VPS41: variants seen among roughly 807,000 people sequenced by gnomAD.
VPS41 encodes the protein VPS41 subunit of HOPS complex, also known as vacuolar protein sorting-associated protein 41 homolog.
A neutral mutation model predicts 130.9 loss-of-function variants in VPS41; 85 were observed. The observed-to-expected ratio is 0.65, with a 90% confidence interval of 0.55 to 0.78. The LOEUF (loss-of-function observed/expected upper bound fraction) is 0.78. Ranked by LOEUF, VPS41 falls within the 30% of genes least tolerant of loss-of-function variation. VPS41 has a pLI of 0.00. For synonymous variants in VPS41, 335 were observed against 332.9 expected, an observed-to-expected ratio of 1.01 and a Z score of -0.07; for missense variants, 874 against 1,018.7, an observed-to-expected ratio of 0.86 and a Z score of 1.93.
Position 38,728,560 on chromosome 7 carries a change from A to G in VPS41, c.2386T>C (p.Ser796Pro). 6.2e-7 allele frequency: 1 copy of G among 1,614,162 alleles called. No individual in the cohort carries two copies. The highest frequency in any genetic ancestry group is 8.5e-7 in the Non-Finnish European group (1 of 1,180,026). Residue 796 changes from serine (S) to proline (P), a missense_variant, in exon 27 of 29, where the codon TCC becomes CCC. Ser to Pro is a moderately conservative substitution (Grantham distance 74). Transcript: ENST00000310301. ...DEENICESCL[S>P]PILPSDAAKP... ...TTCTTACCTGATGGAAGAATAGGGG[A>G]AAGGCACGACTCACAGATGTTCTCC... is the stretch of plus-strand genomic sequence containing the variant.
chr7:38,741,247 C>T, intron 25 of VPS41: 1 of 261,754 alleles, frequency 3.8e-6, no homozygotes, highest in Non-Finnish European at 8.0e-6. Flanking sequence ...TTAATAAAAC[C>T]TCATTTTCAA....
intron 4 of VPS41, 52 bp from the exon 5 acceptor site, chr7:38,830,380 A>T (rs781292229): frequency 9.6e-7 from 1 of 1,041,862 alleles, no homozygotes; most frequent in Non-Finnish European, 1.5e-6. Context: ...AATATATATC[A>T]ACAATCAATG....
chr7:38,729,781 G>A (rs924590567), intron 25 of VPS41, among the ~76,000 whole-genome samples: 1 of 152,122 alleles, frequency 6.6e-6, no homozygotes, highest in Non-Finnish European at 1.5e-5. Flanking sequence ...GACACAGCAG[G>A]GACAGGCGAC....
chr7:38,840,289 T>C (rs961314187), intron 4 of VPS41, among the ~76,000 whole-genome samples: 1 of 152,236 alleles, frequency 6.6e-6, no homozygotes, highest in African/African-American at 2.4e-5. Flanking sequence ...TTGTTATTTA[T>C]GGGCCCAACG....
At chr7:38,875,377 C>A (rs752412001) in intron 2 of VPS41, among the ~76,000 whole-genome samples, 1 of 151,990 alleles carries the variant, frequency 6.6e-6, no homozygotes, top group African/African-American at 2.4e-5. Context: ...TAAAAAAGAA[C>A]CTGAAGGTAA....
chr7:38,881,428 C>G (rs769871855), intron 2 of VPS41, among the ~76,000 whole-genome samples: 6 of 152,198 alleles, frequency 3.9e-5, no homozygotes, highest in Non-Finnish European at 8.8e-5. Context: ...GATTAGCAAC[C>G]TTAATTTTCC....
chr7:38,771,994 C>T (rs1784163282), intron 13 of VPS41, among the ~76,000 whole-genome samples: 1 of 149,956 alleles, frequency 6.7e-6, no homozygotes, highest in South Asian at 2.1e-4. Flanking sequence ...AGTATATAAG[C>T]CCATCTAAGA....
At chr7:38,728,148 ATT>A (rs1795584689) in intron 27 of VPS41, among the ~76,000 whole-genome samples, 1 of 152,064 alleles carries the variant, frequency 6.6e-6, no homozygotes, top group South Asian at 2.1e-4. Flanking sequence ...GTTAGTTTTC[ATT>A]TTGTTTTTAC....
chr7:38,883,843 A>G (rs139117527), intron 2 of VPS41, among the ~76,000 whole-genome samples: 1 of 152,350 alleles, frequency 6.6e-6, no homozygotes, highest in East Asian at 1.9e-4. Context: ...GTTTCCAAAC[A>G]TATAATTTTT....
chr7:38,789,077 A>T (rs1784489402), intron 10 of VPS41, among the ~76,000 whole-genome samples: 1 of 152,188 alleles, frequency 6.6e-6, no homozygotes, highest in African/African-American at 2.4e-5. Context: ...GTCATGGTAC[A>T]TCATCCAGGG....
intron 7 of VPS41, 104 bp from the exon 8 acceptor site, chr7:38,796,968 G>T: frequency 7.4e-7 from 1 of 1,358,646 alleles, no homozygotes; most frequent in South Asian, 1.2e-5. Flanking sequence ...TAACAAACAA[G>T]TCACTCTCGA....
chr7:38,886,700 C>T (rs1330162288), intron 2 of VPS41, among the ~76,000 whole-genome samples: 11 of 152,224 alleles, frequency 7.2e-5, no homozygotes, highest in Admixed American at 6.5e-4. Flanking sequence ...GCTCCAATAA[C>T]GGACAGACTG....
chr7:38,865,435 C>CAA lies in VPS41; in HGVS notation c.169-2815_169-2814dup, dbSNP rs3839724. Among the ~76,000 whole-genome samples, 25 of 150,548 alleles carry CAA rather than the reference C, an allele frequency of 1.7e-4. No individual in the cohort carries two copies. In the South Asian group the frequency reaches 3.4e-3, roughly 20 times the overall value. On this transcript the variant is annotated intron_variant, in intron 3 of 28. Transcript: ENST00000310301. ...CACTGGTTCATTCAACAAACACACA[C>CAA]AAAAAAAAACACTCTATAATACGCT...
chr7:38,876,064 T>G (rs1364618960), intron 2 of VPS41, among the ~76,000 whole-genome samples: 1 of 152,190 alleles, frequency 6.6e-6, no homozygotes. Context: ...TATTTGGCAA[T>G]GTCTAGAGTC....
In VPS41 at chr7:38,772,562, T is replaced by C. The variant is rs769709841; in HGVS notation, c.1088A>G (p.Asp363Gly). 5 of 1,613,524 alleles carry C rather than the reference T, an allele frequency of 3.1e-6. No homozygotes were observed. In the Admixed American group the frequency reaches 5.0e-5, roughly 16 times the overall value. Residue 363 changes from aspartate to glycine, a missense_variant, in exon 13 of 29, where the codon GAT (aspartate) becomes GGT (glycine). Transcript: ENST00000310301. The stretch of plus-strand genomic sequence containing the variant: ...TTCAAGGAGCCAGTCAATGTGATCA[T>C]CTTGGTCTCGTTCCTTGGCCACTAC... ...DVVVAKERDQ[D>G]DHIDWLLEKK...
chr7:38,743,215 A>AC (rs1198122821), intron 24 of VPS41, among the ~76,000 whole-genome samples, 187 bp downstream of exon 24: 1 of 152,218 alleles, frequency 6.6e-6, no homozygotes, highest in Non-Finnish European at 1.5e-5. Context: ...ATGCAAAGTG[A>AC]TGAGGCTCCA....
intron 4 of VPS41, among the ~76,000 whole-genome samples, chr7:38,841,495 C>T (rs2116224039): frequency 6.6e-6 from 1 of 152,342 alleles, no homozygotes; most frequent in East Asian, 1.9e-4. Flanking sequence ...TTCTTAGCTT[C>T]AAAGTCAGTG....
At chr7:38,866,958 C>T (rs1034871812) in intron 3 of VPS41, among the ~76,000 whole-genome samples, 14 of 152,064 alleles carry the variant, frequency 9.2e-5, no homozygotes, top group Admixed American at 7.9e-4. Context: ...CATACCTATA[C>T]AATGGAATAC....
intron 3 of VPS41, among the ~76,000 whole-genome samples, chr7:38,868,443 G>A (rs1562616780): frequency 6.6e-6 from 1 of 152,194 alleles, no homozygotes; most frequent in Non-Finnish European, 1.5e-5. Context: ...GATAAAGCCA[G>A]GAGATGGATC....
Sources: allele counts gnomAD v4.1 joint callset (sites outside exome capture counted in the v4.1 genomes callset), GRCh38; gene constraint gnomAD v4.1.1; transcripts MANE v1.5; gene names NCBI Gene and HGNC (gene_info 2026-07-23, HGNC 2026-07-21).